CADM4: variants seen among roughly 807,000 people sequenced by gnomAD.
CADM4 encodes TSLC1-like 2.
CADM4 carries 13 observed loss-of-function variants against 43.9 expected under a neutral mutation model. The observed-to-expected ratio is 0.30, with a 90% confidence interval of 0.19 to 0.47. The LOEUF is 0.47. Among genes scored for constraint, CADM4 ranks in the 20% least tolerant of loss-of-function variants. CADM4 has a pLI of 1.00. For synonymous variants in CADM4, 209 were observed against 220.9 expected (o/e 0.95, Z 0.48); for missense variants, 420 against 527.0 (o/e 0.80, Z 1.99).
chr19:43,636,898 A>G (rs1391039505), intron 1 of CADM4, among the ~76,000 whole-genome samples: 2 of 152,088 alleles, frequency 1.3e-5, no homozygotes, highest in African/African-American at 4.8e-5. Flanking sequence ...TTTTAGCAGG[A>G]AAAAGTGAGT....
rs191791807 is a variant in CADM4, at chr19:43,625,411, C to T, written c.756-161G>A. Among the ~76,000 whole-genome samples, 181 of 152,234 alleles carry T rather than the reference C, an allele frequency of 1.2e-3. No individual in the cohort carries two copies. The highest frequency in any genetic ancestry group is 2.1e-3 in the Non-Finnish European group (143 of 68,012). ...TTCTGGAAAACCAACAGTCCTGGGC[C>T]TACTTCCACCCATCACCAAGGTCTC... On this transcript the variant is annotated intron_variant, in intron 6 of 8. Transcript: ENST00000222374. The surrounding 1 kb of genome is among the most constrained non-coding windows in gnomAD (Gnocchi z 4.5).
Position 43,623,123 on chromosome 19 carries a change from A to C in CADM4, c.*207T>G. 1.8e-6 allele frequency: 1 copy of C among 570,584 alleles called. No individual in the cohort carries two copies. The highest frequency in any genetic ancestry group is 2.9e-5 in the East Asian group (1 of 34,158). The allele number at this position is 570,584 out of a possible 1,614,324, so 35.3% of individuals were successfully genotyped here. A position where few individuals can be genotyped will look rare whatever the true frequency, so the allele number is the denominator to read the frequency against. On this transcript the variant is annotated 3_prime_UTR_variant, in exon 9 of 9. Transcript: ENST00000222374. The surrounding 1 kb of genome is among the most constrained non-coding windows in gnomAD (Gnocchi z 4.4). The stretch of plus-strand genomic sequence containing the variant: ...ACCTTTGGCCCCTGCCCCCTGGGGG[A>C]CCCAGACCTCTGGGCCCTCACTTCT...
upstream of CADM4, among the ~76,000 whole-genome samples, chr19:43,640,572 C>T (rs532896850): frequency 5.3e-5 from 8 of 152,004 alleles, no homozygotes; most frequent in South Asian, 8.3e-4. Flanking sequence ...CCGGGAGGGG[C>T]CCCCTGAAAG....
In CADM4 at chr19:43,630,571, A is replaced by G. The variant is rs115645883; in HGVS notation, c.65-2781T>C. On this transcript the variant is annotated intron_variant, in intron 1 of 8. Coordinates refer to ENST00000222374, the MANE Select transcript of CADM4 (RefSeq NM_145296.2). ...AGTGCTGGGATTACAGGCTTGAGCT[A>G]TCGTGTCCTGCTCCCATTCCCATTT... Among the ~76,000 whole-genome samples, 1,201 of 152,178 alleles carry G rather than the reference A, an allele frequency of 7.9e-3. 20 individuals carry two copies. Among genetic ancestry groups the G allele is most frequent in the African/African-American group, 0.027 (1,130 of 41,518 alleles).
rs143590775 is a variant in CADM4 at position 43,624,127 on chromosome 19, C to G, written c.1044G>C (p.Ser348=). 197 of 1,614,206 alleles carry G rather than the reference C, an allele frequency of 1.2e-4. No individual in the cohort carries two copies. In the African/African-American group the frequency reaches 2.5e-3, roughly 20 times the overall value. Residue 348 remains serine, a synonymous_variant, in exon 8 of 9, where the codon TCG becomes TCC. Coordinates refer to ENST00000222374, the MANE Select transcript of CADM4 (RefSeq NM_145296.2). ...CGTCCCACTCACCCTTCTGCCGTACCGAGCACCAGACCATGCCCACTAGCA... is the reference window on the plus strand; with the variant it reads ...CGTCCCACTCACCCTTCTGCCGTACGGAGCACCAGACCATGCCCACTAGCA... ...ICVLVGMVWC[S]VRQKGSYLTH...
chr19:43,632,014 A>G (rs914087058), intron 1 of CADM4, among the ~76,000 whole-genome samples: 2 of 152,116 alleles, frequency 1.3e-5, no homozygotes, highest in Non-Finnish European at 2.9e-5. Context: ...AGCTGAAACT[A>G]TAGCACTTTG....
intron 1 of CADM4, among the ~76,000 whole-genome samples, chr19:43,630,261 C>T (rs575840606): frequency 3.9e-4 from 58 of 149,580 alleles, no homozygotes; most frequent in African/African-American, 1.3e-3. Flanking sequence ...CCCATTTTCC[C>T]CCATTTCCAT....
At chr19:43,640,709 T>C (rs79332246), upstream of CADM4, among the ~76,000 whole-genome samples, 1,371 of 152,128 alleles carry the variant, frequency 9.0e-3, 23 homozygotes, top group African/African-American at 0.031. Flanking sequence ...TCCCTCTCTC[T>C]GCATGTATTT....
chr19:43,638,538 G>A (rs752026438), intron 1 of CADM4, among the ~76,000 whole-genome samples: 2 of 152,332 alleles, frequency 1.3e-5, no homozygotes, highest in South Asian at 2.1e-4. Flanking sequence ...GGGGTGACCC[G>A]TGGCAGGTTC....
Position 43,626,408 on chromosome 19 carries a change from T to A in CADM4, c.500-120A>T. 2 of 1,263,860 alleles carry A rather than the reference T, an allele frequency of 1.6e-6. No homozygotes were observed. Among genetic ancestry groups the A allele is most frequent in the Non-Finnish European group, 2.2e-6 (2 of 916,186 alleles). 78.3% of individuals were successfully genotyped at this position (1,263,860 alleles called of 1,614,324 possible). ...CCACCCCTTACCCACAGGCCCCGCC[T>A]CTTGTCCTCCAAGCTACGCCCCTCC... On this transcript the variant is annotated intron_variant, in intron 4 of 8. Coordinates refer to ENST00000222374, the MANE Select transcript of CADM4 (RefSeq NM_145296.2). The surrounding 1 kb of genome is among the most constrained non-coding windows in gnomAD (Gnocchi z 5.9).
At chr19:43,638,158 G>T (rs1254052247) in intron 1 of CADM4, among the ~76,000 whole-genome samples, 1 of 152,186 alleles carries the variant, frequency 6.6e-6, no homozygotes, top group African/African-American at 2.4e-5. Flanking sequence ...GACAGTGAGA[G>T]GACAGCTTTG....
chr19:43,626,046 C>T lies in CADM4; in HGVS notation c.665-45G>A, dbSNP rs763797323. ...GGAGAGAGTAGTTTCCAAGCCATCACGCAGGACAAGGGGGACCCTCGCGGG... is the reference window on the plus strand; with the variant it reads ...GGAGAGAGTAGTTTCCAAGCCATCATGCAGGACAAGGGGGACCCTCGCGGG... On this transcript the variant is annotated intron_variant, in intron 5 of 8. Coordinates refer to ENST00000222374, the MANE Select transcript of CADM4 (RefSeq NM_145296.2). The surrounding 1 kb of genome is among the most constrained non-coding windows in gnomAD (Gnocchi z 5.9). The T allele has an allele frequency of 6.2e-7, 1 of 1,613,472 alleles. No homozygotes were observed. Among genetic ancestry groups the T allele is most frequent in the Non-Finnish European group, 8.5e-7 (1 of 1,179,556 alleles).
Position 43,635,924 on chromosome 19 carries a change from C to T in CADM4, c.64+3803G>A, listed in dbSNP as rs1041054232. ...CCCCCTCCTCCCTGGACCCAGGAGC[C>T]TAAGACCTCAGCCCCCTCCTCCTTG... On this transcript the variant is annotated intron_variant, in intron 1 of 8. Transcript: ENST00000222374. Among the ~76,000 whole-genome samples the T allele has an allele frequency of 2.7e-5, 4 of 149,974 alleles. No individual in the cohort carries two copies. In the East Asian group the frequency reaches 7.9e-4, roughly 30 times the overall value.
chr19:43,626,562 T>C lies in CADM4; in HGVS notation c.499+222A>G, dbSNP rs1973531718. Among the ~76,000 whole-genome samples the C allele has an allele frequency of 6.6e-6, 1 of 152,046 alleles. No individual in the cohort carries two copies. The highest frequency in any genetic ancestry group is 1.9e-4 in the East Asian group (1 of 5,198). The stretch of plus-strand genomic sequence containing the variant: ...TTTATATATATACTTAGAGACAGGG[T>C]CTCACAATGTTGGGCAGGTTGAACT... On this transcript the variant is annotated intron_variant, in intron 4 of 8. Coordinates refer to ENST00000222374, the MANE Select transcript of CADM4 (RefSeq NM_145296.2). The surrounding 1 kb of genome is among the most constrained non-coding windows in gnomAD (Gnocchi z 5.9).
chr19:43,626,307 A>C lies in CADM4; in HGVS notation c.500-19T>G, dbSNP rs200564477. The C allele has an allele frequency of 2.5e-6, 4 of 1,606,494 alleles. No homozygotes were observed. Among genetic ancestry groups the C allele is most frequent in the Admixed American group, 3.3e-5 (2 of 59,908 alleles). ...CTCACTCCTGCCACACCCCGGTCAG[A>C]CACTGTCAGGCCACAATTCCGGCTC... On this transcript the variant is annotated intron_variant, in intron 4 of 8. Coordinates refer to ENST00000222374, the MANE Select transcript of CADM4 (RefSeq NM_145296.2). The surrounding 1 kb of genome is among the most constrained non-coding windows in gnomAD (Gnocchi z 5.9).
At chr19:43,628,644 G>C (rs528793969) in intron 1 of CADM4, among the ~76,000 whole-genome samples, 2 of 152,300 alleles carry the variant, frequency 1.3e-5, no homozygotes, top group East Asian at 3.9e-4. Flanking sequence ...TCCCCTACTA[G>C]TCTGGGTAAG....
intron 1 of CADM4, among the ~76,000 whole-genome samples, chr19:43,630,707 G>A (rs1226337260): frequency 6.6e-6 from 1 of 152,136 alleles, no homozygotes; most frequent in Non-Finnish European, 1.5e-5. Flanking sequence ...TCCTGAATCT[G>A]TATATCCACT....
intron 1 of CADM4, among the ~76,000 whole-genome samples, chr19:43,629,249 C>T (rs1334691017): frequency 6.6e-6 from 1 of 152,162 alleles, no homozygotes; most frequent in Non-Finnish European, 1.5e-5. Context: ...CCAGAAGGAA[C>T]CTGGGTCTCT....
chr19:43,639,930 G>C (rs1205235894), upstream of CADM4: 1 of 612,214 alleles, frequency 1.6e-6, no homozygotes, highest in South Asian at 7.2e-5. Context: ...GGGGAGGGGA[G>C]GGGGAGACGG....
Sources: gnomAD v4.1 joint callset for allele counts (sites outside exome capture counted in the v4.1 genomes callset) on GRCh38, gnomAD v4.1.1 for gene constraint, Gnocchi (gnomAD v3.1) non-coding constraint, MANE v1.5 for transcripts, NCBI Gene and HGNC (gene_info 2026-07-23, HGNC 2026-07-21) for gene names.